RIMBP2: variants seen among roughly 807,000 people sequenced by gnomAD.
The protein encoded by RIMBP2 is RIMS-binding protein 2.
Under a neutral mutation model 118.6 loss-of-function variants are expected in RIMBP2, and 48 were observed. That is an observed-to-expected ratio of 0.40 (90% CI 0.32 to 0.51). The LOEUF (loss-of-function observed/expected upper bound fraction) is 0.51, where lower values mean the gene tolerates loss of function less well. Among genes scored for constraint, RIMBP2 ranks in the 20% least tolerant of loss-of-function variants. The pLI, the probability that RIMBP2 is intolerant of heterozygous loss-of-function variation, is 0.41. For missense variants in RIMBP2, 1,551 were observed against 1,768.3 expected (o/e 0.88, Z 2.20); for synonymous variants, 762 against 742.9 (o/e 1.03, Z -0.42).
intron 2 of RIMBP2, among the ~76,000 whole-genome samples, chr12:130,614,165 T>A (rs1384992870): frequency 6.6e-6 from 1 of 152,186 alleles, no homozygotes; most frequent in Non-Finnish European, 1.5e-5. Flanking sequence ...GTATACTATG[T>A]GACTGGAAGC....
chr12:130,545,937 G>A (rs1476963195), intron 2 of RIMBP2, among the ~76,000 whole-genome samples: 1 of 152,114 alleles, frequency 6.6e-6, no homozygotes, highest in East Asian at 1.9e-4. Context: ...AAAGGACTTA[G>A]TTTCATTCTC....
At chr12:130,520,778 A>T (rs1158835704) in intron 2 of RIMBP2, among the ~76,000 whole-genome samples, 1 of 152,168 alleles carries the variant, frequency 6.6e-6, no homozygotes, top group Non-Finnish European at 1.5e-5. Context: ...CAAGTGCCAA[A>T]GCCCTTCCTA....
In RIMBP2 at chr12:130,469,017, C is replaced by G. The variant is rs532698288; in HGVS notation, c.153+1676G>C. On this transcript the variant is annotated intron_variant, in intron 6 of 22. Coordinates refer to ENST00000690449, the MANE Select transcript of RIMBP2 (RefSeq NM_001393629.1). The surrounding 1 kb of genome is among the most constrained non-coding windows in gnomAD (Gnocchi z 4.8). ...AGGCTGAGGAACCCCGACCACCCCC[C>G]ACCTGCGTCAGAAGCTGCAGTTCAG... is the stretch of plus-strand genomic sequence containing the variant. The G allele has an allele frequency of 1.0e-4, 16 of 152,396 alleles. No homozygotes were observed. Among genetic ancestry groups the G allele is most frequent in the African/African-American group, 2.2e-4 (9 of 41,428 alleles). The allele number at this position is 152,396 out of a possible 1,614,324, so 9.4% of individuals were successfully genotyped here.
intron 2 of RIMBP2, among the ~76,000 whole-genome samples, chr12:130,612,906 C>T (rs946360015): frequency 6.7e-6 from 1 of 148,808 alleles, no homozygotes; most frequent in East Asian, 2.0e-4. Flanking sequence ...TCCCTCCCCC[C>T]TCCCCCAAGT....
chr12:130,713,795 C>T (rs1950136318), intron 1 of RIMBP2, among the ~76,000 whole-genome samples: 1 of 152,212 alleles, frequency 6.6e-6, no homozygotes, highest in South Asian at 2.1e-4. Context: ...TGAGGTTTGG[C>T]ACTTGCGGGT....
Position 130,445,192 on chromosome 12 carries a change from T to C in RIMBP2, c.659A>G (p.Tyr220Cys), listed in dbSNP as rs760264094. The change falls in exon 10 of 23, where the codon TAT (tyrosine) becomes TGT (cysteine). Residue 220 changes from tyrosine to cysteine, a missense_variant. Coordinates refer to ENST00000690449, the MANE Select transcript of RIMBP2 (RefSeq NM_001393629.1). Reference protein sequence around the residue: ...PLTAGKYLYVYGDMDEDGFYE... With the variant: ...PLTAGKYLYVCGDMDEDGFYE... ...GAACCCATCCTCATCCATGTCTCCA[T>C]AGACGTAGAGGTATTTTCCCGCCGT... 8.1e-6 allele frequency: 13 copies of C among 1,612,326 alleles called. No individual in the cohort carries two copies. Among genetic ancestry groups the C allele is most frequent in the African/African-American group, 1.3e-5 (1 of 74,812 alleles).
intron 4 of RIMBP2, among the ~76,000 whole-genome samples, chr12:130,484,896 T>C (rs76831588): frequency 0.032 from 4,888 of 152,348 alleles, 248 homozygotes; most frequent in African/African-American, 0.11. Context: ...TGTTCTTCTT[T>C]TGGATTAATT....
At chr12:130,697,149 G>A (rs756829146) in intron 1 of RIMBP2, among the ~76,000 whole-genome samples, 25 of 152,220 alleles carry the variant, frequency 1.6e-4, no homozygotes, top group Non-Finnish European at 3.5e-4. Context: ...CAGACTGGAG[G>A]TACCTCAGGA....
Position 130,422,439 on chromosome 12 carries a change from A to G in RIMBP2, c.3238+14T>C. The G allele has an allele frequency of 6.4e-7, 1 of 1,574,776 alleles. No homozygotes were observed. Among genetic ancestry groups the G allele is most frequent in the Non-Finnish European group, 8.7e-7 (1 of 1,146,182 alleles). On this transcript the variant is annotated intron_variant, in intron 17 of 22. Transcript: ENST00000690449. This position sits in a 1 kb window ranked among gnomAD's most constrained non-coding sequence, Gnocchi z 5.2. ...GCGGCTGAAAGACACAACAGCGATG[A>G]TGGGGCCACTAACCGATGGATGGGA...
rs1023871249 is a variant in RIMBP2 at position 130,683,731 on chromosome 12, C to G, written c.-352+32491G>C. Among the ~76,000 whole-genome samples, 1 of 152,138 alleles carries G rather than the reference C, an allele frequency of 6.6e-6. No homozygotes were observed. The highest frequency in any genetic ancestry group is 1.5e-5 in the Non-Finnish European group (1 of 68,020). On this transcript the variant is annotated intron_variant, in intron 1 of 22. Coordinates refer to ENST00000690449, the MANE Select transcript of RIMBP2 (RefSeq NM_001393629.1). The surrounding 1 kb of genome is among the most constrained non-coding windows in gnomAD (Gnocchi z 4.4). ...CATTGCTACACTCCCACCAGCACTACGACAATTTACAAACGCCATGGCAAT... is the reference window on the plus strand; with the variant it reads ...CATTGCTACACTCCCACCAGCACTAGGACAATTTACAAACGCCATGGCAAT...
At chr12:130,675,812 A>G (rs1376631162) in intron 1 of RIMBP2, among the ~76,000 whole-genome samples, 1 of 151,880 alleles carries the variant, frequency 6.6e-6, no homozygotes, top group African/African-American at 2.4e-5. Context: ...CAGAAATCCC[A>G]CTCGGGTATT....
intron 1 of RIMBP2, chr12:130,657,863 C>A (rs546699771): frequency 6.6e-6 from 1 of 152,418 alleles, no homozygotes; most frequent in East Asian, 1.9e-4. Context: ...GAACCAGCTA[C>A]CCAACGAGTT....
chr12:130,695,716 A>C (rs965059742), intron 1 of RIMBP2, among the ~76,000 whole-genome samples: 4 of 152,156 alleles, frequency 2.6e-5, no homozygotes, highest in Non-Finnish European at 5.9e-5. Context: ...TTGATCAATA[A>C]GACTAGAGGC....
chr12:130,608,649 C>T (rs566161244), intron 2 of RIMBP2, among the ~76,000 whole-genome samples: 175 of 152,252 alleles, frequency 1.1e-3, no homozygotes, highest in Non-Finnish European at 2.1e-3. Flanking sequence ...GGGGACAGAG[C>T]GCTGCCCAGG....
At chr12:130,462,654 C>T (rs762175677) in intron 6 of RIMBP2, among the ~76,000 whole-genome samples, 6 of 152,336 alleles carry the variant, frequency 3.9e-5, no homozygotes, top group South Asian at 2.1e-4. Context: ...GACGCTGACT[C>T]GAGGAATCTG....
chr12:130,592,188 C>T (rs2059312210), intron 2 of RIMBP2, among the ~76,000 whole-genome samples: 1 of 152,238 alleles, frequency 6.6e-6, no homozygotes, highest in Non-Finnish European at 1.5e-5. Context: ...TAACTATGTC[C>T]TCTTCCACCT....
intron 18 of RIMBP2, 104 bp downstream of exon 18, chr12:130,414,018 CAGG>C: frequency 8.2e-7 from 1 of 1,216,568 alleles, no homozygotes; most frequent in Non-Finnish European, 1.2e-6. Flanking sequence ...CCATGGCCTG[CAGG>C]AGAAGGCCAT....
chr12:130,538,170 G>C (rs896336392), intron 2 of RIMBP2, among the ~76,000 whole-genome samples: 2 of 151,988 alleles, frequency 1.3e-5, no homozygotes, highest in Non-Finnish European at 2.9e-5. Context: ...GGGGCCCCAA[G>C]TTACTGAATA....
chr12:130,587,507 T>G (rs2058975180), intron 2 of RIMBP2, among the ~76,000 whole-genome samples: 1 of 87,688 alleles, frequency 1.1e-5, no homozygotes, highest in African/African-American at 4.6e-5. Flanking sequence ...CCATAAAAAA[T>G]GATGAGTTCG....
Sources: allele counts gnomAD v4.1 joint callset (sites outside exome capture counted in the v4.1 genomes callset), GRCh38; gene constraint gnomAD v4.1.1; non-coding constraint Gnocchi (gnomAD v3.1); transcripts MANE v1.5; gene names NCBI Gene and HGNC (gene_info 2026-07-23, HGNC 2026-07-21).